The following ADAMTSL1 variants were observed in gnomAD, a reference collection of about 807,000 sequenced individuals.
The protein encoded by ADAMTSL1 is ADAMTS-like protein 1.
A neutral mutation model predicts 201.8 loss-of-function variants in ADAMTSL1; 126 were observed. The observed-to-expected ratio is 0.62, with a 90% confidence interval of 0.54 to 0.72. The LOEUF (loss-of-function observed/expected upper bound fraction) is 0.72. ADAMTSL1 is among the 30% of genes least tolerant of loss of function. The probability of loss-of-function intolerance (pLI) is 0.00; values close to 1 mark genes in which losing one functional copy is unlikely to be tolerated. For missense variants in ADAMTSL1, 2,679 were observed against 2,277.8 expected, an observed-to-expected ratio of 1.18 and a Z score of -3.59; for synonymous variants, 1,121 against 903.4, an observed-to-expected ratio of 1.24 and a Z score of -4.32.
At chr9:18,905,059 G>C (rs1454037512) in intron 26 of ADAMTSL1, among the ~76,000 whole-genome samples, 12 of 152,196 alleles carry the variant, frequency 7.9e-5, no homozygotes, top group African/African-American at 2.9e-4. Context: ...AGACCCCCAA[G>C]TTAAGAGCCT....
At chr9:18,778,043 G>T (rs1310860973) in intron 19 of ADAMTSL1, 137 bp downstream of exon 19, 4 of 1,083,612 alleles carry the variant, frequency 3.7e-6, no homozygotes, top group Non-Finnish European at 5.2e-6. Context: ...ATCATGGGGT[G>T]CAGGCCCTCT....
At chr9:18,235,526 C>A (rs75536698) in intron 2 of ADAMTSL1, among the ~76,000 whole-genome samples, 109 of 152,280 alleles carry the variant, frequency 7.2e-4, no homozygotes, top group Admixed American at 1.7e-3. Flanking sequence ...CCCTGCTATA[C>A]CTACACAGGT....
At chr9:18,803,616 T>C (rs1313185117) in intron 20 of ADAMTSL1, among the ~76,000 whole-genome samples, 1 of 152,188 alleles carries the variant, frequency 6.6e-6, no homozygotes, top group Admixed American at 6.5e-5. Context: ...AATAAAAATT[T>C]AATGTTGCTA....
At chr9:18,388,415 A>G (rs891175388) in intron 2 of ADAMTSL1, among the ~76,000 whole-genome samples, 2 of 152,056 alleles carry the variant, frequency 1.3e-5, no homozygotes, top group African/African-American at 4.8e-5. Context: ...CGGAAACTAC[A>G]GGCACATACC....
intron 3 of ADAMTSL1, among the ~76,000 whole-genome samples, chr9:18,572,233 A>T (rs921739269): frequency 3.3e-5 from 5 of 152,118 alleles, no homozygotes; most frequent in African/African-American, 1.2e-4. Flanking sequence ...ATTGTATGTC[A>T]TGATTTGACA....
intron 1 of ADAMTSL1, among the ~76,000 whole-genome samples, chr9:18,482,228 C>A (rs1821764723): frequency 6.6e-6 from 1 of 152,176 alleles, no homozygotes. Flanking sequence ...GAGATTTATT[C>A]CACTTCTGAG....
intron 2 of ADAMTSL1, among the ~76,000 whole-genome samples, chr9:18,254,345 G>GTTTTTTTTTTTTTTTTTTTTTT (rs59026505): frequency 2.0e-5 from 1 of 49,330 alleles, no homozygotes; most frequent in African/African-American, 8.0e-5. Flanking sequence ...ACTCTTTTTG[G>GTTTTTTTTTTTTTTTTTTTTTT]TTTTTTTTTT....
intron 2 of ADAMTSL1, among the ~76,000 whole-genome samples, chr9:18,338,178 T>A (rs184598670): frequency 6.6e-6 from 1 of 152,262 alleles, no homozygotes; most frequent in East Asian, 1.9e-4. Flanking sequence ...CATAGTGAAC[T>A]GTTTTTTAAA....
At chr9:18,583,201 G>A (rs932788958) in intron 4 of ADAMTSL1, among the ~76,000 whole-genome samples, 2 of 152,174 alleles carry the variant, frequency 1.3e-5, no homozygotes, top group Non-Finnish European at 2.9e-5. Flanking sequence ...TGGTTTCGTG[G>A]GCCGGGCCCA....
At chr9:18,577,192 G>C (rs1161436260) in intron 4 of ADAMTSL1, among the ~76,000 whole-genome samples, 3 of 152,138 alleles carry the variant, frequency 2.0e-5, no homozygotes, top group Non-Finnish European at 4.4e-5. Flanking sequence ...AAAGTCAAAA[G>C]ACATGAGTTG....
chr9:18,671,402 C>T (rs1002470439), intron 9 of ADAMTSL1, among the ~76,000 whole-genome samples: 4 of 152,134 alleles, frequency 2.6e-5, no homozygotes, highest in South Asian at 2.1e-4. Context: ...TGATTTGTTA[C>T]GAGACTGGTA....
Position 18,639,234 on chromosome 9 carries a change from T to C in ADAMTSL1, c.677-20T>C, listed in dbSNP as rs756742329. ...CCCTAGGAACATCTTTCTCTCATCT[T>C]CACGTGTTTGATCATATAGATCTGG... On this transcript the variant is annotated intron_variant, in intron 6 of 28. Coordinates refer to ENST00000380548, the MANE Select transcript of ADAMTSL1 (RefSeq NM_001040272.6). 7 of 1,611,902 alleles carry C rather than the reference T, an allele frequency of 4.3e-6. No individual in the cohort carries two copies. Among genetic ancestry groups the C allele is most frequent in the Admixed American group, 3.3e-5 (2 of 59,774 alleles).
intron 1 of ADAMTSL1, among the ~76,000 whole-genome samples, chr9:17,973,138 T>C (rs905662141): frequency 1.3e-4 from 20 of 150,828 alleles, no homozygotes; most frequent in African/African-American, 4.6e-4. Context: ...GATGGTATTT[T>C]CTTTTGCTGT....
chr9:18,025,656 C>T (rs1266336192), intron 1 of ADAMTSL1, among the ~76,000 whole-genome samples: 1 of 151,954 alleles, frequency 6.6e-6, no homozygotes, highest in African/African-American at 2.4e-5. Flanking sequence ...TTACTGTGGC[C>T]TTGTGATATA....
intron 2 of ADAMTSL1, among the ~76,000 whole-genome samples, chr9:18,173,553 C>G (rs1224348134): frequency 2.0e-5 from 3 of 152,072 alleles, no homozygotes; most frequent in East Asian, 1.9e-4. Flanking sequence ...TACACAGCCC[C>G]TATCTTTTAT....
chr9:18,623,804 T>C (rs1434922865), intron 5 of ADAMTSL1, among the ~76,000 whole-genome samples: 2 of 152,248 alleles, frequency 1.3e-5, no homozygotes, highest in Non-Finnish European at 2.9e-5. Context: ...AATCCTTCAA[T>C]AGATCCCTGA....
intron 1 of ADAMTSL1, among the ~76,000 whole-genome samples, chr9:17,974,352 G>A (rs973858611): frequency 3.3e-5 from 5 of 151,938 alleles, no homozygotes; most frequent in African/African-American, 4.8e-5. Context: ...AAACCCAATC[G>A]TCTCAGCCCA....
chr9:18,711,729 C>T (rs1241879104), intron 14 of ADAMTSL1, among the ~76,000 whole-genome samples: 2 of 152,208 alleles, frequency 1.3e-5, no homozygotes, highest in African/African-American at 4.8e-5. Context: ...GAAGCTCGAA[C>T]TGGGTGGAGC....
At chr9:18,897,423 C>T (rs190569018) in intron 26 of ADAMTSL1, among the ~76,000 whole-genome samples, 1 of 152,128 alleles carries the variant, frequency 6.6e-6, no homozygotes, top group Admixed American at 6.5e-5. Flanking sequence ...TGGGTGAGAC[C>T]TCCCAACAGG....
Sources: allele counts gnomAD v4.1 joint callset (sites outside exome capture counted in the v4.1 genomes callset), GRCh38; gene constraint gnomAD v4.1.1; transcripts MANE v1.5; gene names NCBI Gene and HGNC (gene_info 2026-07-23, HGNC 2026-07-21).